Variants in MKLN1 observed in about 807,000 individuals in gnomAD.
The protein encoded by MKLN1 is muskelin 1, also known as muskelin.
Under a neutral mutation model 99.0 loss-of-function variants are expected in MKLN1, and 18 were observed. The ratio of observed to expected loss-of-function variants is 0.18; its 90% CI spans 0.13 to 0.27. The LOEUF is 0.27. Ranked by LOEUF, MKLN1 falls within the 10% of genes least tolerant of loss-of-function variation. The pLI, the probability that MKLN1 is intolerant of heterozygous loss-of-function variation, is 1.00. For missense variants in MKLN1, 621 were observed against 875.9 expected, an observed-to-expected ratio of 0.71 and a Z score of 3.67; for synonymous variants, 288 against 293.2, an observed-to-expected ratio of 0.98 and a Z score of 0.18.
At chr7:131,216,765 T>C (rs1457940121) in intron 3 of MKLN1, among the ~76,000 whole-genome samples, 2 of 152,200 alleles carry the variant, frequency 1.3e-5, no homozygotes, top group African/African-American at 4.8e-5. Flanking sequence ...AGATAAATAC[T>C]ATTTTCTGCA....
At chr7:131,327,830 C>A (rs1010447569), upstream of MKLN1, 3 of 1,574,414 alleles carry the variant, frequency 1.9e-6, no homozygotes, top group Non-Finnish European at 1.7e-6. Flanking sequence ...CCTTTAAGAG[C>A]AGGCCACGCC....
chr7:131,415,326 T>C (rs1418009819), intron 8 of MKLN1, among the ~76,000 whole-genome samples: 1 of 152,122 alleles, frequency 6.6e-6, no homozygotes, highest in Non-Finnish European at 1.5e-5. Flanking sequence ...AAAACTTTAC[T>C]GCATAGAATA....
chr7:131,429,871 C>T (rs978550190), intron 9 of MKLN1, among the ~76,000 whole-genome samples: 9 of 152,180 alleles, frequency 5.9e-5, no homozygotes, highest in African/African-American at 9.7e-5. Flanking sequence ...TGAGCCACTG[C>T]GCCTGGCTGA....
intron 17 of MKLN1, among the ~76,000 whole-genome samples, chr7:131,481,072 GAAC>G (rs1222626622): frequency 6.6e-6 from 1 of 152,104 alleles, no homozygotes; most frequent in East Asian, 1.9e-4. Context: ...GATATACTGA[GAAC>G]AATACAAACA....
chr7:131,224,312 A>AATCAATCGCTTG (rs1554539390), intron 3 of MKLN1, among the ~76,000 whole-genome samples: 14 of 150,398 alleles, frequency 9.3e-5, no homozygotes, highest in Non-Finnish European at 1.3e-4. Flanking sequence ...TTGGGAGGCC[A>AATCAATCGCTTG]AGGTGGGCAG....
At chr7:131,313,316 A>G (rs1217479816) in intron 3 of MKLN1, among the ~76,000 whole-genome samples, 4 of 152,238 alleles carry the variant, frequency 2.6e-5, no homozygotes, top group African/African-American at 9.6e-5. Context: ...TACATGGTAC[A>G]CATAAATCAG....
intron 3 of MKLN1, among the ~76,000 whole-genome samples, chr7:131,247,131 C>T (rs1797500958): frequency 6.6e-6 from 1 of 152,082 alleles, no homozygotes; most frequent in South Asian, 2.1e-4. Flanking sequence ...GGAGCACTTC[C>T]AAGTACTCTG....
chr7:131,385,476 G>T lies in MKLN1; in HGVS notation c.169-1644G>T, dbSNP rs147517773. On this transcript the variant is annotated intron_variant, in intron 2 of 17. Transcript: ENST00000352689. ...AGTATGTGTACCGTTTTACATTCCTGCCAGCAATGCATGAGAGTTCCAGTT... is the reference window on the plus strand; with the variant it reads ...AGTATGTGTACCGTTTTACATTCCTTCCAGCAATGCATGAGAGTTCCAGTT... 6.1e-4 allele frequency among the ~76,000 whole-genome samples: 93 copies of T among 151,988 alleles called. No homozygotes were observed. In the East Asian group the frequency reaches 7.3e-3, roughly 12 times the overall value.
rs1402031482 is a variant in MKLN1, at chr7:131,487,725, G to A, written c.2205G>A (p.Leu735=). ...PKGNLVDLIT[L] ...GCAACCTGGTAGACCTCATCACACT[G>A]TAACTGAAGAGTCACTGGACACAGA... is the stretch of plus-strand genomic sequence containing the variant. The change falls in exon 18 of 18, where the codon CTG becomes CTA. Residue 735 remains leucine (L), a synonymous_variant. Coordinates refer to ENST00000352689, the MANE Select transcript of MKLN1 (RefSeq NM_013255.5). The surrounding 1 kb of genome is among the most constrained non-coding windows in gnomAD (Gnocchi z 4.7). The A allele has an allele frequency of 6.2e-7, 1 of 1,610,032 alleles. No homozygotes were observed. The highest frequency in any genetic ancestry group is 1.3e-5 in the African/African-American group (1 of 74,590).
chr7:131,241,376 TAAAAAAAAAAAAAAGAAAAAAG>T (rs1327456511), intron 3 of MKLN1, among the ~76,000 whole-genome samples: 2 of 125,404 alleles, frequency 1.6e-5, no homozygotes, highest in African/African-American at 6.1e-5. Context: ...AGACTCTGTC[TAAAAAAAAAAAAAAGAAAAAAG>T]AAAAAAAAAA....
rs933930320 is a variant in MKLN1 at position 131,282,263 on chromosome 7, C to T, written c.-179+79289C>T. On this transcript the variant is annotated intron_variant, in intron 3 of 7. Coordinates refer to the MKLN1 transcript ENST00000416992. Reference sequence around the variant, plus strand: ...ACTTGGGAGGCTGAGGCAGGAGAATCGCTTGAACCCGGGAGGCGGAGGTTG... The same window carrying T: ...ACTTGGGAGGCTGAGGCAGGAGAATTGCTTGAACCCGGGAGGCGGAGGTTG... Among the ~76,000 whole-genome samples the T allele has an allele frequency of 5.3e-5, 8 of 150,152 alleles. No individual in the cohort carries two copies. The South Asian group carries it at 1.3e-3, about 24-fold the overall frequency.
chr7:131,117,820 G>T (rs1795301950), intron 1 of MKLN1, among the ~76,000 whole-genome samples: 1 of 152,162 alleles, frequency 6.6e-6, no homozygotes. Context: ...TTATTTTAAA[G>T]AAACTGATGA....
chr7:131,293,941 T>C (rs941987920), intron 3 of MKLN1, among the ~76,000 whole-genome samples: 6 of 152,078 alleles, frequency 3.9e-5, no homozygotes, highest in Admixed American at 3.9e-4. Context: ...CATTCTTTGT[T>C]GTAGGGGGCT....
At chr7:131,211,012 A>C (rs1224661644) in intron 3 of MKLN1, among the ~76,000 whole-genome samples, 1 of 151,732 alleles carries the variant, frequency 6.6e-6, no homozygotes, top group African/African-American at 2.4e-5. Flanking sequence ...CCTGGACTAG[A>C]GTATACATTT....
intron 3 of MKLN1, among the ~76,000 whole-genome samples, chr7:131,208,773 A>G (rs766463518): frequency 3.3e-5 from 5 of 152,200 alleles, no homozygotes; most frequent in Non-Finnish European, 7.3e-5. Context: ...AACACAACAG[A>G]TGAGGTCCCA....
At chr7:131,377,186 A>G (rs899461688) in intron 2 of MKLN1, among the ~76,000 whole-genome samples, 3 of 152,212 alleles carry the variant, frequency 2.0e-5, no homozygotes, top group Non-Finnish European at 2.9e-5. Context: ...TAAGGTATAC[A>G]TACCTTGGAG....
upstream of MKLN1, among the ~76,000 whole-genome samples, chr7:131,324,935 C>T (rs1798854168): frequency 6.6e-6 from 1 of 152,088 alleles, no homozygotes; most frequent in Admixed American, 6.5e-5. Flanking sequence ...AATTATTTTA[C>T]CATTTATAAA....
chr7:131,143,830 A>T (rs1437482417), intron 2 of MKLN1, among the ~76,000 whole-genome samples: 1 of 152,186 alleles, frequency 6.6e-6, no homozygotes, highest in Non-Finnish European at 1.5e-5. Context: ...CTTATCTCAA[A>T]AAAAATAAAA....
At chr7:131,127,359 T>C (rs1279750377) in intron 1 of MKLN1, among the ~76,000 whole-genome samples, 1 of 152,038 alleles carries the variant, frequency 6.6e-6, no homozygotes, top group Non-Finnish European at 1.5e-5. Context: ...AGGCATATTA[T>C]CTCATGGAGC....
Sources: gnomAD v4.1 joint callset for allele counts (sites outside exome capture counted in the v4.1 genomes callset) on GRCh38, gnomAD v4.1.1 for gene constraint, Gnocchi (gnomAD v3.1) non-coding constraint, MANE v1.5 for transcripts, NCBI Gene and HGNC (gene_info 2026-07-23, HGNC 2026-07-21) for gene names.